Variants in ESRRG observed in about 807,000 individuals in gnomAD.
The protein encoded by ESRRG is estrogen related receptor gamma.
A neutral mutation model predicts 44.0 loss-of-function variants in ESRRG; 13 were observed. The ratio of observed to expected loss-of-function variants is 0.30; its 90% CI spans 0.19 to 0.47. The LOEUF is 0.47. Ranked by LOEUF, ESRRG falls within the 20% of genes least tolerant of loss-of-function variation. The pLI, the probability that ESRRG is intolerant of heterozygous loss-of-function variation, is 1.00. For missense variants in ESRRG, 395 were observed against 580.6 expected (o/e 0.68, Z 3.29); for synonymous variants, 215 against 214.6 (o/e 1.00, Z -0.02).
At chr1:216,519,541 G>A (rs1242169391) in intron 5 of ESRRG, 120 bp from the exon 6 acceptor site, 3 of 977,994 alleles carry the variant, frequency 3.1e-6, no homozygotes, top group Non-Finnish European at 4.4e-6. Context: ...GCTTTGATTA[G>A]AAGCTCTTAA....
At chr1:216,611,233 A>T (rs1353446280) in intron 3 of ESRRG, among the ~76,000 whole-genome samples, 6 of 151,398 alleles carry the variant, frequency 4.0e-5, no homozygotes, top group Non-Finnish European at 7.4e-5. Context: ...AAAAAAAAAA[A>T]AAAATCATCT....
At chr1:216,536,007 T>C (rs2149195819) in intron 5 of ESRRG, among the ~76,000 whole-genome samples, 1 of 152,288 alleles carries the variant, frequency 6.6e-6, no homozygotes, top group East Asian at 1.9e-4. Flanking sequence ...CAGATCCGAT[T>C]TGATCTCTCT....
intron 1 of ESRRG, among the ~76,000 whole-genome samples, chr1:217,010,127 A>G (rs1328253977): frequency 6.6e-6 from 1 of 152,164 alleles, no homozygotes; most frequent in African/African-American, 2.4e-5. Context: ...AGGGGGAAAC[A>G]TCAGCAAATC....
At chr1:216,703,386 G>A (rs1375628165) in intron 1 of ESRRG, among the ~76,000 whole-genome samples, 1 of 152,114 alleles carries the variant, frequency 6.6e-6, no homozygotes, top group Non-Finnish European at 1.5e-5. Context: ...AAGCCGTCCT[G>A]GGCCATATGT....
At chr1:216,641,345 G>A (rs2066381559) in intron 3 of ESRRG, among the ~76,000 whole-genome samples, 1 of 152,198 alleles carries the variant, frequency 6.6e-6, no homozygotes, top group South Asian at 2.1e-4. Flanking sequence ...AACCAGGTAT[G>A]CAAGGAGTAT....
At chr1:216,567,298 T>C (rs556689716) in intron 4 of ESRRG, among the ~76,000 whole-genome samples, 1 of 152,190 alleles carries the variant, frequency 6.6e-6, no homozygotes, top group Non-Finnish European at 1.5e-5. Flanking sequence ...TTCCAACTCT[T>C]TTTCGTTAAT....
At chr1:217,080,702 G>C (rs1292443560) in intron 1 of ESRRG, among the ~76,000 whole-genome samples, 2 of 127,490 alleles carry the variant, frequency 1.6e-5, no homozygotes, top group African/African-American at 3.1e-5. Flanking sequence ...TTTTGAGACA[G>C]AGTCTCGCTC....
intron 2 of ESRRG, among the ~76,000 whole-genome samples, chr1:216,759,881 C>T (rs1360099086): frequency 6.6e-6 from 1 of 152,146 alleles, no homozygotes; most frequent in Non-Finnish European, 1.5e-5. Flanking sequence ...CCTCCAAGCA[C>T]TTGCACATAT....
At chr1:217,082,652 A>G (rs1489080070) in intron 1 of ESRRG, among the ~76,000 whole-genome samples, 1 of 120,082 alleles carries the variant, frequency 8.3e-6, no homozygotes, top group Non-Finnish European at 1.7e-5. Flanking sequence ...CCTTATCCCC[A>G]TCCCTCACCC....
chr1:217,038,927 C>A (rs2083374092), intron 1 of ESRRG, among the ~76,000 whole-genome samples: 1 of 152,214 alleles, frequency 6.6e-6, no homozygotes, highest in Non-Finnish European at 1.5e-5. Context: ...TAAGTCACCT[C>A]TTGAATGCTT....
chr1:217,098,408 C>A (rs1298885811), intron 1 of ESRRG, among the ~76,000 whole-genome samples: 1 of 152,108 alleles, frequency 6.6e-6, no homozygotes, highest in Non-Finnish European at 1.5e-5. Flanking sequence ...TATTATTATG[C>A]CCAATTTATA....
At chr1:216,649,166 A>G (rs2068335331) in intron 3 of ESRRG, among the ~76,000 whole-genome samples, 2 of 152,120 alleles carry the variant, frequency 1.3e-5, no homozygotes, top group East Asian at 1.9e-4. Context: ...GCAATTTCAC[A>G]TAAGTTTTCT....
chr1:216,803,369 G>T (rs933558547), intron 2 of ESRRG, among the ~76,000 whole-genome samples: 1 of 151,934 alleles, frequency 6.6e-6, no homozygotes, highest in African/African-American at 2.4e-5. Context: ...TAAAACAAAG[G>T]CTCAGTAGTG....
intron 1 of ESRRG, among the ~76,000 whole-genome samples, chr1:216,686,885 A>T (rs1368375925): frequency 6.6e-6 from 1 of 152,166 alleles, no homozygotes; most frequent in Non-Finnish European, 1.5e-5. Context: ...TTCTACTCAG[A>T]TAAAAAACAC....
chr1:217,064,199 G>C (rs2089196033), intron 1 of ESRRG, among the ~76,000 whole-genome samples: 1 of 145,384 alleles, frequency 6.9e-6, no homozygotes, highest in Non-Finnish European at 1.6e-5. Context: ...GGTATATATT[G>C]TATGTGTATA....
At chr1:216,627,814 G>A (rs560868661) in intron 3 of ESRRG, among the ~76,000 whole-genome samples, 19 of 93,932 alleles carry the variant, frequency 2.0e-4, no homozygotes, top group African/African-American at 7.6e-4. Flanking sequence ...CCATTAAGAA[G>A]TTTATTTTTT....
In ESRRG at chr1:216,692,311, T is replaced by C. The variant is rs1181637694; in HGVS notation, c.57-14820A>G. On this transcript the variant is annotated intron_variant, in intron 1 of 6. Transcript: ENST00000408911. ...GACCCTGTGTAGGCCTAGGCTAGTG[T>C]ATGTGTGTGTGTGTGTGTGTGTGTG... 1.6e-4 allele frequency among the ~76,000 whole-genome samples: 4 copies of C among 24,686 alleles called. No homozygotes were observed. The East Asian group carries it at 4.4e-3, about 27-fold the overall frequency. The allele number at this position is 24,686 out of a possible 152,430, so 16.2% of individuals were successfully genotyped here.
At chr1:216,897,520 A>T (rs2058566325) in intron 2 of ESRRG, among the ~76,000 whole-genome samples, 1 of 152,248 alleles carries the variant, frequency 6.6e-6, no homozygotes, top group African/African-American at 2.4e-5. Flanking sequence ...CATTTCAAAC[A>T]GACTTACAAC....
At position 216,912,189 on chromosome 1, in the gene ESRRG, AGGAGAGGAGAGGAGAGG is replaced by A. The variant is rs1560083666; in HGVS notation, c.-14+27376_-14+27392del. Among the ~76,000 whole-genome samples, 45 of 41,106 alleles carry A rather than the reference AGGAGAGGAGAGGAGAGG, an allele frequency of 1.1e-3. 2 individuals carry two copies. Among genetic ancestry groups the A allele is most frequent in the Admixed American group, 4.0e-3 (15 of 3,742 alleles). The allele number at this position is 41,106 out of a possible 152,430, so 27.0% of individuals were successfully genotyped here. A position where few individuals can be genotyped will look rare whatever the true frequency, so the allele number is the denominator to read the frequency against. On this transcript the variant is annotated intron_variant, in intron 2 of 7. Transcript: ENST00000359162. ...AGAAAAGAAAAGAAAAGAAAAGGAGAGGAGAGGAGAGGAGAGGAGAGGAGAGGAGAGGAGAGGAGAGG... is the reference window on the plus strand; with the variant it reads ...AGAAAAGAAAAGAAAAGAAAAGGAGAAGAGGAGAGGAGAGGAGAGGAGAGG...
Sources: gnomAD v4.1 joint callset for allele counts (sites outside exome capture counted in the v4.1 genomes callset) on GRCh38, gnomAD v4.1.1 for gene constraint, MANE v1.5 for transcripts, NCBI Gene and HGNC (gene_info 2026-07-23, HGNC 2026-07-21) for gene names.